Variants in UBE2B observed in about 807,000 individuals in gnomAD.
UBE2B encodes ubiquitin-conjugating enzyme E2 B.
In UBE2B, 11 loss-of-function variants were observed where a neutral mutation model predicts 24.6. The observed-to-expected ratio is 0.45, with a 90% CI of 0.28 to 0.74. UBE2B has a LOEUF of 0.74. Among genes scored for constraint, UBE2B ranks in the 30% least tolerant of loss-of-function variants. UBE2B has a pLI of 0.13. For missense variants in UBE2B, 78 were observed against 185.6 expected (o/e 0.42, Z 3.37); for synonymous variants, 68 against 62.4 (o/e 1.09, Z -0.42).
chr5:134,389,827 G>A (rs930347545), intron 5 of UBE2B: 1 of 262,154 alleles, frequency 3.8e-6, no homozygotes, highest in East Asian at 9.9e-5. Context: ...GATTACAGGC[G>A]TGAGCCACCA....
At chr5:134,387,419 T>C (rs1157070389) in intron 4 of UBE2B, among the ~76,000 whole-genome samples, 1 of 152,268 alleles carries the variant, frequency 6.6e-6, no homozygotes, top group African/African-American at 2.4e-5. Flanking sequence ...TTAAATAGAT[T>C]GCTAAATGAT....
chr5:134,375,101 T>G (rs1758576436), intron 2 of UBE2B, among the ~76,000 whole-genome samples: 1 of 152,214 alleles, frequency 6.6e-6, no homozygotes, highest in Non-Finnish European at 1.5e-5. Flanking sequence ...ATAAGTTACT[T>G]TATATAAAAC....
chr5:134,390,543 C>T lies in UBE2B; in HGVS notation c.*190C>T, dbSNP rs1758883971. ...TGTACTTTTTATTGCATGGTGTGAA[C>T]TAAGTTATTGCTGCATAAATTTGTA... On this transcript the variant is annotated 3_prime_UTR_variant, in exon 6 of 6. Transcript: ENST00000265339. This position sits in a 1 kb window ranked among gnomAD's most constrained non-coding sequence, Gnocchi z 4.6. 1 of 604,222 alleles carries T rather than the reference C, an allele frequency of 1.7e-6. No individual in the cohort carries two copies. The highest frequency in any genetic ancestry group is 1.9e-5 in the African/African-American group (1 of 53,504). The allele number at this position is 604,222 out of a possible 1,614,324, so 37.4% of individuals were successfully genotyped here.
intron 4 of UBE2B, among the ~76,000 whole-genome samples, chr5:134,383,473 CTTT>C (rs747399191): frequency 2.5e-5 from 2 of 80,032 alleles, no homozygotes; most frequent in African/African-American, 5.4e-5. Flanking sequence ...CCATACCCAG[CTTT>C]TTTTTTTTTT....
intron 3 of UBE2B, 96 bp downstream of exon 3, chr5:134,376,790 G>A: frequency 8.3e-7 from 1 of 1,208,236 alleles, no homozygotes; most frequent in Non-Finnish European, 1.2e-6. Flanking sequence ...CATTTTCTAT[G>A]GTTAATAGGC....
In UBE2B at chr5:134,391,624, T is replaced by C. The variant is rs1211809744; in HGVS notation, c.*1271T>C. The C allele has an allele frequency of 6.6e-6, 1 of 152,588 alleles. No homozygotes were observed. Among genetic ancestry groups the C allele is most frequent in the African/African-American group, 2.4e-5 (1 of 41,456 alleles). The allele number at this position is 152,588 out of a possible 1,614,324, so 9.5% of individuals were successfully genotyped here. ...ATAAAATTGGATTACAGTATGGCAA[T>C]ATCTACAGCTTCTATTCATTATGCA... is the stretch of plus-strand genomic sequence containing the variant. On this transcript the variant is annotated 3_prime_UTR_variant, in exon 6 of 6. Transcript: ENST00000265339.
intron 5 of UBE2B, among the ~76,000 whole-genome samples, chr5:134,389,571 G>A (rs1384273251): frequency 7.0e-6 from 1 of 143,850 alleles, no homozygotes; most frequent in Non-Finnish European, 1.5e-5. Flanking sequence ...TTTTTGAGAC[G>A]GAATTTCACC....
At chr5:134,380,932 G>T in intron 4 of UBE2B, 124 bp downstream of exon 4, 8 of 417,544 alleles carry the variant, frequency 1.9e-5, no homozygotes, top group East Asian at 5.1e-5. Flanking sequence ...CCATGTCCAT[G>T]TGAGCCACGT....
intron 4 of UBE2B, among the ~76,000 whole-genome samples, chr5:134,382,713 G>A (rs747793262): frequency 1.3e-5 from 2 of 151,368 alleles, no homozygotes; most frequent in Non-Finnish European, 1.5e-5. Context: ...GGTTGAGGCT[G>A]TAGCAAGCCA....
chr5:134,375,797 CAAAAAAAAA>C (rs775635194), intron 2 of UBE2B, among the ~76,000 whole-genome samples: 2 of 29,892 alleles, frequency 6.7e-5, no homozygotes, highest in South Asian at 1.7e-3. Context: ...GACTCCGTCT[CAAAAAAAAA>C]AAAAAAAAAA....
At chr5:134,380,864 T>A in intron 4 of UBE2B, 56 bp downstream of exon 4, 1 of 1,181,196 alleles carries the variant, frequency 8.5e-7, no homozygotes, top group South Asian at 1.3e-5. Flanking sequence ...GTTGTTTCCC[T>A]CCTTTTAGCT....
chr5:134,374,762 G>A (rs1758571312), intron 2 of UBE2B, among the ~76,000 whole-genome samples: 3 of 152,092 alleles, frequency 2.0e-5, no homozygotes, highest in Admixed American at 2.0e-4. Context: ...GGGCAACATA[G>A]TGAGCCCTTG....
intron 2 of UBE2B, among the ~76,000 whole-genome samples, chr5:134,376,334 A>ATATATATATATATATATATAT (rs1561679532): frequency 2.4e-4 from 1 of 4,254 alleles, no homozygotes; most frequent in Non-Finnish European, 8.1e-4. Context: ...AAAAAAAAAA[A>ATATATATATATATATATATAT]AAAAAAAAAA....
chr5:134,373,555 C>T (rs997251202), intron 1 of UBE2B, among the ~76,000 whole-genome samples: 3 of 151,938 alleles, frequency 2.0e-5, no homozygotes, highest in Non-Finnish European at 2.9e-5. Flanking sequence ...CATATGTATA[C>T]ACATGTGCCA....
At chr5:134,377,488 G>A (rs571303611) in intron 3 of UBE2B, among the ~76,000 whole-genome samples, 10 of 152,310 alleles carry the variant, frequency 6.6e-5, no homozygotes, top group African/African-American at 2.4e-4. Flanking sequence ...TGGACATACT[G>A]TCTTAAGAGG....
rs1187120451 is a variant in UBE2B at position 134,383,479 on chromosome 5, T to A, written c.241+2671T>A. On this transcript the variant is annotated intron_variant, in intron 4 of 5. Coordinates refer to ENST00000265339, the MANE Select transcript of UBE2B (RefSeq NM_003337.4). ...TGTGTGCCACCATACCCAGCTTTTT[T>A]TTTTTTTTTTTTTTTTTTTTTGAGA... 2.9e-3 allele frequency among the ~76,000 whole-genome samples: 391 copies of A among 135,852 alleles called. 4 individuals are homozygous for A. The highest frequency in any genetic ancestry group is 9.2e-3 in the African/African-American group (328 of 35,538). The allele number at this position is 135,852 out of a possible 152,430, so 89.1% of individuals were successfully genotyped here.
chr5:134,387,881 C>T (rs1465737759), intron 4 of UBE2B, among the ~76,000 whole-genome samples: 1 of 152,162 alleles, frequency 6.6e-6, no homozygotes, highest in East Asian at 1.9e-4. Flanking sequence ...CAGCTCACTG[C>T]AACCCCTGCC....
At position 134,385,142 on chromosome 5, in the gene UBE2B, TAC is replaced by T. The variant is rs1177680557; in HGVS notation, c.242-3182_242-3181del. Among the ~76,000 whole-genome samples the T allele has an allele frequency of 2.1e-4, 32 of 152,396 alleles. 1 individual carries two copies. The highest frequency in any genetic ancestry group is 4.4e-4 in the Non-Finnish European group (30 of 68,044). On this transcript the variant is annotated intron_variant, in intron 4 of 5. Coordinates refer to ENST00000265339, the MANE Select transcript of UBE2B (RefSeq NM_003337.4). ...TTACTTTTGGATTCTCAGAAATAGT[TAC>T]TCAGAACTTTAAAATTGTTTTACAC...
At chr5:134,372,771 A>AT (rs1017183325) in intron 1 of UBE2B, among the ~76,000 whole-genome samples, 16 of 152,174 alleles carry the variant, frequency 1.1e-4, no homozygotes, top group Middle Eastern at 3.4e-3. Flanking sequence ...ACTAAAAACC[A>AT]TTTTTTTAAT....
Sources: gnomAD v4.1 joint callset for allele counts (sites outside exome capture counted in the v4.1 genomes callset) on GRCh38, gnomAD v4.1.1 for gene constraint, Gnocchi (gnomAD v3.1) non-coding constraint, MANE v1.5 for transcripts, NCBI Gene and HGNC (gene_info 2026-07-23, HGNC 2026-07-21) for gene names.